The following GYG1 variants were observed in gnomAD, a reference collection of about 807,000 sequenced individuals.
The protein encoded by GYG1 is glycogenin 1, also known as glycogenin-1.
Under a neutral mutation model 41.9 loss-of-function variants are expected in GYG1, and 44 were observed. That is an observed-to-expected ratio of 1.05 (90% CI 0.83 to 1.35). The LOEUF is 1.35. Among genes scored for constraint, GYG1 ranks in the 40% most tolerant of loss-of-function variants. The probability of loss-of-function intolerance (pLI) is 0.00; values close to 1 mark genes in which losing one functional copy is unlikely to be tolerated. For missense variants in GYG1, 429 were observed against 418.9 expected, an observed-to-expected ratio of 1.02 and a Z score of -0.21; for synonymous variants, 141 against 158.1, an observed-to-expected ratio of 0.89 and a Z score of 0.81.
At chr3:148,991,745 C>T in intron 1 of GYG1, 98 bp downstream of exon 1, 3 of 1,029,942 alleles carry the variant, frequency 2.9e-6, no homozygotes, top group African/African-American at 1.7e-5. Flanking sequence ...GGAGTGTTCC[C>T]GGCAGGACGA....
At chr3:149,017,756 G>A (rs1312898029) in intron 5 of GYG1, among the ~76,000 whole-genome samples, 9 of 149,146 alleles carry the variant, frequency 6.0e-5, no homozygotes, top group African/African-American at 1.7e-4. Context: ...GGCACACACC[G>A]CCATGCCCAG....
At chr3:149,025,669 C>T (rs887297123) in intron 6 of GYG1, among the ~76,000 whole-genome samples, 7 of 152,098 alleles carry the variant, frequency 4.6e-5, no homozygotes, top group Non-Finnish European at 1.0e-4. Flanking sequence ...TATAACTTGT[C>T]TTAGTTATGT....
chr3:149,013,818 C>A (rs576020514), intron 5 of GYG1, among the ~76,000 whole-genome samples: 3 of 152,306 alleles, frequency 2.0e-5, no homozygotes, highest in South Asian at 4.1e-4. Context: ...CAACTCTCCA[C>A]GTAACTATTG....
intron 4 of GYG1, among the ~76,000 whole-genome samples, chr3:149,007,753 G>T (rs1029927442): frequency 2.6e-5 from 4 of 152,182 alleles, no homozygotes; most frequent in Non-Finnish European, 4.4e-5. Context: ...CAGTATTCCT[G>T]CCTGATGCTT....
At chr3:148,992,905 G>A (rs1259847233) in intron 1 of GYG1, 1 of 151,878 alleles carries the variant, frequency 6.6e-6, no homozygotes, top group Non-Finnish European at 1.5e-5. Context: ...GCCGAGGGAT[G>A]CGCTGGCCCA....
Position 149,030,958 on chromosome 3 carries a change from G to A in GYG1, c.*4025G>A, listed in dbSNP as rs1714967197. On this transcript the variant is annotated 3_prime_UTR_variant, in exon 8 of 8. Coordinates refer to ENST00000345003, the MANE Select transcript of GYG1 (RefSeq NM_004130.4). ...TGACTTCCAACACTCTTAAGTCTCA[G>A]GTATTCTTAAATCTGTATCATCAAA... 6.6e-6 allele frequency: 1 copy of A among 152,056 alleles called. No homozygotes were observed. The highest frequency in any genetic ancestry group is 1.5e-5 in the Non-Finnish European group (1 of 68,002). 9.4% of individuals were successfully genotyped at this position (152,056 alleles called of 1,614,324 possible).
At position 149,024,273 on chromosome 3, in the gene GYG1, G is replaced by GT. The variant is rs1714534507; in HGVS notation, c.828+2dup. On this transcript the variant is annotated splice_donor_variant, in intron 6 of 7. Coordinates refer to ENST00000345003, the MANE Select transcript of GYG1 (RefSeq NM_004130.4). LOFTEE classifies it high-confidence loss of function. ...AGACACCTGCTCATATGTAAATGTG[G>GT]TAGGTTCTGTTTCTTTTCTTCAGAT... 1 of 1,566,610 alleles carries GT rather than the reference G, an allele frequency of 6.4e-7. No homozygotes were observed. The highest frequency in any genetic ancestry group is 2.2e-5 in the East Asian group (1 of 44,646).
At chr3:149,008,838 T>C (rs116569005) in intron 4 of GYG1, 3,396 of 188,838 alleles carry the variant, frequency 0.018, 73 homozygotes, top group African/African-American at 0.053. Flanking sequence ...TTAAAATGTT[T>C]TTAATTGGTG....
chr3:149,027,170 C>T lies in GYG1; in HGVS notation c.*237C>T. The T allele has an allele frequency of 3.7e-6, 2 of 541,534 alleles. No homozygotes were observed. The highest frequency in any genetic ancestry group is 6.6e-6 in the Non-Finnish European group (2 of 303,954). 33.5% of individuals were successfully genotyped at this position (541,534 alleles called of 1,614,324 possible). A position where few individuals can be genotyped will look rare whatever the true frequency, so the allele number is the denominator to read the frequency against. On this transcript the variant is annotated 3_prime_UTR_variant, in exon 8 of 8. Transcript: ENST00000345003. ...TCCTATTTAGCTTGTTTCAGAAATTCTCACTTTTGTTGACTGCCAACATAC... is the reference window on the plus strand; with the variant it reads ...TCCTATTTAGCTTGTTTCAGAAATTTTCACTTTTGTTGACTGCCAACATAC...
chr3:149,008,399 T>A (rs1281065121), intron 4 of GYG1: 1 of 152,430 alleles, frequency 6.6e-6, no homozygotes, highest in African/African-American at 2.4e-5. Context: ...CCAGGCCTTC[T>A]ATCCATAGCC....
At chr3:149,007,670 G>A (rs964230393) in intron 4 of GYG1, among the ~76,000 whole-genome samples, 3 of 152,206 alleles carry the variant, frequency 2.0e-5, no homozygotes, top group African/African-American at 7.2e-5. Flanking sequence ...AACGACAGCC[G>A]ACTGGACTTG....
At chr3:149,009,912 A>G (rs1259960035) in intron 5 of GYG1, among the ~76,000 whole-genome samples, 1 of 152,232 alleles carries the variant, frequency 6.6e-6, no homozygotes, top group Non-Finnish European at 1.5e-5. Context: ...CACATCCTGC[A>G]GTGACCACTT....
intron 4 of GYG1, chr3:149,001,119 T>C (rs1220360277): frequency 6.6e-6 from 1 of 152,190 alleles, no homozygotes; most frequent in Non-Finnish European, 1.5e-5. Flanking sequence ...TTCAAGATGG[T>C]ACTTGTCCAA....
Position 149,027,708 on chromosome 3 carries a change from T to G in GYG1, c.*775T>G, listed in dbSNP as rs987468792. 3 of 152,236 alleles carry G rather than the reference T, an allele frequency of 2.0e-5. No homozygotes were observed. The highest frequency in any genetic ancestry group is 7.2e-5 in the African/African-American group (3 of 41,466). The allele number at this position is 152,236 out of a possible 1,614,324, so 9.4% of individuals were successfully genotyped here. A position where few individuals can be genotyped will look rare whatever the true frequency, so the allele number is the denominator to read the frequency against. On this transcript the variant is annotated 3_prime_UTR_variant, in exon 8 of 8. Coordinates refer to ENST00000345003, the MANE Select transcript of GYG1 (RefSeq NM_004130.4). ...ATCTATTAGGGAATTTTTCACAATT[T>G]TTGGAATTTGTCATAGTTTTAAAAA...
intron 2 of GYG1, among the ~76,000 whole-genome samples, chr3:148,995,829 A>C (rs929552730): frequency 5.3e-5 from 8 of 152,202 alleles, no homozygotes; most frequent in Non-Finnish European, 1.5e-5. Context: ...AGCCTTAGTT[A>C]ATCTGGGGCA....
intron 5 of GYG1, among the ~76,000 whole-genome samples, chr3:149,021,955 C>G (rs1218439050): frequency 1.3e-5 from 2 of 152,216 alleles, no homozygotes; most frequent in Non-Finnish European, 2.9e-5. Flanking sequence ...CTCTCTGGCT[C>G]TAACAGAGGA....
At chr3:149,023,995 T>C in intron 5 of GYG1, 58 bp from the exon 6 acceptor site, 1 of 1,206,876 alleles carries the variant, frequency 8.3e-7, no homozygotes, top group Non-Finnish European at 1.2e-6. Context: ...AAGTGCTGCT[T>C]ATCTTTTTGT....
Position 148,996,261 on chromosome 3 carries a change from A to G in GYG1, c.144-41A>G. On this transcript the variant is annotated intron_variant, in intron 2 of 7. Transcript: ENST00000345003. ...TACAGCAGATGGGTCACTTGTTCTG[A>G]AAAGATGCTAAGTGTGGTATTCTGG... 2.1e-6 allele frequency: 3 copies of G among 1,462,546 alleles called. No homozygotes were observed. In the South Asian group the frequency reaches 3.4e-5, roughly 17 times the overall value. The allele number at this position is 1,462,546 out of a possible 1,614,324, so 90.6% of individuals were successfully genotyped here.
chr3:148,996,528 G>T lies in GYG1; in HGVS notation c.318+52G>T, dbSNP rs773530273. On this transcript the variant is annotated intron_variant, in intron 3 of 7. Coordinates refer to ENST00000345003, the MANE Select transcript of GYG1 (RefSeq NM_004130.4). ...GAAAGACATATATATATATGGTGAT[G>T]GAGACCTGTAGGCATTTGAGGAATG... 11 of 1,478,096 alleles carry T rather than the reference G, an allele frequency of 7.4e-6. No individual in the cohort carries two copies. In the Admixed American group the frequency reaches 1.7e-4, roughly 23 times the overall value. 91.6% of individuals were successfully genotyped at this position (1,478,096 alleles called of 1,614,324 possible).
Sources: allele counts gnomAD v4.1 joint callset (sites outside exome capture counted in the v4.1 genomes callset), GRCh38; gene constraint gnomAD v4.1.1; transcripts MANE v1.5; gene names NCBI Gene and HGNC (gene_info 2026-07-23, HGNC 2026-07-21).